Variants in MBNL2 observed in about 807,000 individuals in gnomAD.
MBNL2 encodes muscleblind-like protein 2.
A neutral mutation model predicts 41.9 loss-of-function variants in MBNL2; 17 were observed. That is an observed-to-expected ratio of 0.41 (90% CI 0.28 to 0.61). The LOEUF (loss-of-function observed/expected upper bound fraction) is 0.61. Ranked by LOEUF, MBNL2 falls within the 20% of genes least tolerant of loss-of-function variation. The pLI, the probability that MBNL2 is intolerant of heterozygous loss-of-function variation, is 0.35. For synonymous variants in MBNL2, 195 were observed against 182.9 expected, an observed-to-expected ratio of 1.07 and a Z score of -0.53; for missense variants, 336 against 505.6, an observed-to-expected ratio of 0.66 and a Z score of 3.22.
chr13:97,209,656 T>C, the MBNL2 span, among the ~76,000 whole-genome samples: 8 of 152,356 alleles, frequency 5.3e-5, 1 homozygote, highest in African/African-American at 1.4e-4. Flanking sequence ...TTAATACTTA[T>C]TAGTTTATAC....
At chr13:97,207,470 G>T in the MBNL2 span, among the ~76,000 whole-genome samples, 4 of 152,138 alleles carry the variant, frequency 2.6e-5, no homozygotes, top group South Asian at 8.3e-4. Flanking sequence ...GATGGCAGCT[G>T]GCAAGGATAG....
chr13:97,203,339 A>T, the MBNL2 span, among the ~76,000 whole-genome samples: 2 of 152,220 alleles, frequency 1.3e-5, no homozygotes, highest in Non-Finnish European at 1.5e-5. Flanking sequence ...AAATGGATCA[A>T]TAATTCTGTG....
chr13:97,177,455 T>C, the MBNL2 span, among the ~76,000 whole-genome samples: 1 of 152,134 alleles, frequency 6.6e-6, no homozygotes, highest in South Asian at 2.1e-4. Flanking sequence ...AAAATTATGG[T>C]AACACAAATC....
At chr13:97,167,070 A>G in the MBNL2 span, among the ~76,000 whole-genome samples, 1 of 152,212 alleles carries the variant, frequency 6.6e-6, no homozygotes, top group African/African-American at 2.4e-5. Context: ...AATATTACAG[A>G]GCACAGAGTA....
At chr13:97,289,815 C>T (rs1048123446) in intron 2 of MBNL2, among the ~76,000 whole-genome samples, 2 of 152,144 alleles carry the variant, frequency 1.3e-5, no homozygotes, top group African/African-American at 4.8e-5. Flanking sequence ...GCAGACATAG[C>T]CAGCAAGACC....
At chr13:97,271,060 C>T (rs1045566699) in intron 1 of MBNL2, among the ~76,000 whole-genome samples, 5 of 151,630 alleles carry the variant, frequency 3.3e-5, no homozygotes, top group African/African-American at 4.8e-5. Context: ...AACATCTTTG[C>T]TGTACAAGTG....
chr13:97,225,588 A>C (rs2152767102), intron 1 of MBNL2, among the ~76,000 whole-genome samples: 1 of 152,152 alleles, frequency 6.6e-6, no homozygotes, highest in African/African-American at 2.4e-5. Flanking sequence ...TCTAGGGGGC[A>C]GGTGGGCAGT....
chr13:97,158,600 T>G, the MBNL2 span, among the ~76,000 whole-genome samples: 6 of 151,260 alleles, frequency 4.0e-5, no homozygotes, highest in Non-Finnish European at 7.4e-5. Flanking sequence ...GTTGTGTCTT[T>G]GTTCTCATTG....
intron 8 of MBNL2, among the ~76,000 whole-genome samples, chr13:97,388,396 A>G (rs2066114899): frequency 6.6e-6 from 1 of 151,856 alleles, no homozygotes; most frequent in Non-Finnish European, 1.5e-5. Context: ...AAATGTATCT[A>G]TTCATCAAAC....
intron 2 of MBNL2, among the ~76,000 whole-genome samples, chr13:97,306,132 C>T (rs2058097779): frequency 6.6e-6 from 1 of 152,054 alleles, no homozygotes; most frequent in Non-Finnish European, 1.5e-5. Flanking sequence ...TTAAAAATCA[C>T]TTCCTCTCCT....
At chr13:97,286,207 A>G (rs766801536) in intron 2 of MBNL2, among the ~76,000 whole-genome samples, 5 of 152,222 alleles carry the variant, frequency 3.3e-5, no homozygotes, top group Non-Finnish European at 7.3e-5. Flanking sequence ...CTCAAATTTA[A>G]TGTGTCCACT....
the MBNL2 span, among the ~76,000 whole-genome samples, chr13:97,155,924 G>A: frequency 3.0e-5 from 4 of 134,058 alleles, no homozygotes; most frequent in Admixed American, 3.1e-4. Flanking sequence ...TAATGGGATG[G>A]CTGGGTCAAA....
At chr13:97,257,898 C>T (rs1474526320) in intron 1 of MBNL2, among the ~76,000 whole-genome samples, 1 of 152,228 alleles carries the variant, frequency 6.6e-6, no homozygotes, top group African/African-American at 2.4e-5. Context: ...ACTGTGATTT[C>T]GCCTTTCTCC....
chr13:97,222,629 C>A (rs1461870510), intron 1 of MBNL2, 98 bp downstream of exon 1: 1 of 395,086 alleles, frequency 2.5e-6, no homozygotes, highest in Non-Finnish European at 4.5e-6. Context: ...AAACTGGATT[C>A]CACTAATTCA....
chr13:97,178,436 T>C, the MBNL2 span, among the ~76,000 whole-genome samples: 1 of 152,182 alleles, frequency 6.6e-6, no homozygotes, highest in Non-Finnish European at 1.5e-5. Context: ...GAATAATAAT[T>C]ACATAGTAAA....
intron 1 of MBNL2, among the ~76,000 whole-genome samples, chr13:97,249,150 C>T (rs1003114928): frequency 1.3e-5 from 2 of 152,148 alleles, no homozygotes; most frequent in Admixed American, 6.5e-5. Context: ...ACTATATCGT[C>T]GTAATGGGCA....
the MBNL2 span, among the ~76,000 whole-genome samples, chr13:97,210,571 A>ATTT: frequency 7.5e-4 from 49 of 65,462 alleles, 9 homozygotes; most frequent in African/African-American, 2.2e-3. Context: ...ACAACTGTGA[A>ATTT]TTTTTTTTTT....
chr13:97,149,717 G>C, the MBNL2 span, among the ~76,000 whole-genome samples: 1 of 152,076 alleles, frequency 6.6e-6, no homozygotes, highest in African/African-American at 2.4e-5. Flanking sequence ...CAGAGGTTGG[G>C]ACCTGCAGAT....
intron 2 of MBNL2, among the ~76,000 whole-genome samples, chr13:97,294,935 TTAACTA>T (rs1445552890): frequency 2.0e-5 from 3 of 152,296 alleles, no homozygotes; most frequent in East Asian, 3.9e-4. Flanking sequence ...CTATAAGTCA[TTAACTA>T]TAACTATAAA....
Sources: allele counts gnomAD v4.1 joint callset (sites outside exome capture counted in the v4.1 genomes callset), GRCh38; gene constraint gnomAD v4.1.1; transcripts MANE v1.5; gene names NCBI Gene and HGNC (gene_info 2026-07-23, HGNC 2026-07-21).